The following PIGL variants were observed in gnomAD, a reference collection of about 807,000 sequenced individuals.
PIGL encodes N-acetylglucosaminyl-phosphatidylinositol de-N-acetylase.
Under a neutral mutation model 31.1 loss-of-function variants are expected in PIGL, and 22 were observed. The observed-to-expected ratio is 0.71, with a 90% CI of 0.51 to 1.01. The LOEUF (loss-of-function observed/expected upper bound fraction) is 1.01. PIGL is among the 50% of genes least tolerant of loss of function. The pLI, the probability that PIGL is intolerant of heterozygous loss-of-function variation, is 0.00. For missense variants in PIGL, 302 were observed against 315.9 expected, an observed-to-expected ratio of 0.96 and a Z score of 0.33; for synonymous variants, 131 against 117.4, an observed-to-expected ratio of 1.12 and a Z score of -0.75.
intron 2 of PIGL, among the ~76,000 whole-genome samples, chr17:16,290,192 C>T (rs972578957): frequency 3.3e-5 from 5 of 151,750 alleles, no homozygotes; most frequent in African/African-American, 1.2e-4. Flanking sequence ...AAGGGATTCT[C>T]CTGCCTCAGC....
At chr17:16,259,568 C>T (rs1000525139) in intron 2 of PIGL, among the ~76,000 whole-genome samples, 1 of 152,044 alleles carries the variant, frequency 6.6e-6, no homozygotes, top group Non-Finnish European at 1.5e-5. Flanking sequence ...CCTCACACCA[C>T]ACACAAAAAT....
At chr17:16,309,401 G>A (rs560499243) in intron 3 of PIGL, among the ~76,000 whole-genome samples, 1 of 152,346 alleles carries the variant, frequency 6.6e-6, no homozygotes, top group African/African-American at 2.4e-5. Flanking sequence ...GAAAAGCATC[G>A]TTTTTGAATT....
intron 2 of PIGL, among the ~76,000 whole-genome samples, chr17:16,274,720 T>C (rs1474376362): frequency 7.2e-6 from 1 of 139,782 alleles, no homozygotes; most frequent in Non-Finnish European, 1.5e-5. Flanking sequence ...CAAGACTACG[T>C]CTCAAAAAAA....
intron 3 of PIGL, among the ~76,000 whole-genome samples, chr17:16,305,785 T>A (rs1244018938): frequency 1.3e-5 from 2 of 152,166 alleles, no homozygotes; most frequent in Non-Finnish European, 2.9e-5. Flanking sequence ...GCTGTACAGT[T>A]TTCTTTTTTG....
chr17:16,253,163 A>G (rs1486239326), intron 2 of PIGL, among the ~76,000 whole-genome samples: 1 of 152,170 alleles, frequency 6.6e-6, no homozygotes, highest in Non-Finnish European at 1.5e-5. Flanking sequence ...CTGAGGCAAG[A>G]GAATAGCTTG....
chr17:16,251,554 T>A (rs1193623271), intron 2 of PIGL, among the ~76,000 whole-genome samples: 2 of 151,376 alleles, frequency 1.3e-5, no homozygotes, highest in Non-Finnish European at 2.9e-5. Context: ...CCCAAGTAAA[T>A]CCCTCAACTA....
intron 2 of PIGL, among the ~76,000 whole-genome samples, chr17:16,241,155 C>T (rs1600763921): frequency 7.3e-6 from 1 of 137,494 alleles, no homozygotes; most frequent in Admixed American, 7.3e-5. Context: ...AGGAATTCAA[C>T]GAACAAAAGA....
chr17:16,246,379 G>T (rs943997967), intron 2 of PIGL, among the ~76,000 whole-genome samples: 6 of 151,330 alleles, frequency 4.0e-5, no homozygotes, highest in African/African-American at 1.5e-4. Flanking sequence ...GGGCATGGTG[G>T]TGCACACCTG....
Position 16,313,530 on chromosome 17 carries a change from C to T in PIGL, c.427-17C>T. ...GGTGGAGAAGGCATTCAGTGAAAAC[C>T]CTGTGTTTCTCTACAGGTGGTGACT... On this transcript the variant is annotated splice_polypyrimidine_tract_variant and intron_variant, in intron 3 of 6. Transcript: ENST00000225609. 6.2e-7 allele frequency: 1 copy of T among 1,604,416 alleles called. No individual in the cohort carries two copies. The highest frequency in any genetic ancestry group is 8.5e-7 in the Non-Finnish European group (1 of 1,171,214).
intron 2 of PIGL, among the ~76,000 whole-genome samples, chr17:16,237,534 C>A (rs547823826): frequency 1.6e-4 from 24 of 151,910 alleles, no homozygotes; most frequent in African/African-American, 5.3e-4. Context: ...GGTGTGGTGG[C>A]TCCTACCTGT....
rs71360162 is a variant in PIGL at position 16,246,524 on chromosome 17, A to G, written c.335+12454A>G. On this transcript the variant is annotated intron_variant, in intron 2 of 6. Transcript: ENST00000225609. ...AGACTCCGTCTCAAAAAAAAAAAGT[A>G]AATACTTAAAGAAGCCAGTTTGAAG... Among the ~76,000 whole-genome samples the G allele has an allele frequency of 8.1e-3, 1,238 of 151,902 alleles. 3 individuals are homozygous for G. The highest frequency in any genetic ancestry group is 0.013 in the Non-Finnish European group (886 of 67,930).
intron 1 of PIGL, among the ~76,000 whole-genome samples, chr17:16,220,098 C>T (rs541146286): frequency 1.1e-3 from 168 of 151,868 alleles, no homozygotes; most frequent in Middle Eastern, 0.01. Context: ...GCCTGTAATC[C>T]GAGCACTTTG....
intron 6 of PIGL, among the ~76,000 whole-genome samples, chr17:16,323,422 C>T (rs574967680): frequency 2.0e-5 from 3 of 151,602 alleles, no homozygotes; most frequent in Non-Finnish European, 4.4e-5. Context: ...TTAGTAGAGA[C>T]GAAGTTTCAC....
chr17:16,224,351 CAG>C (rs1335708690), intron 1 of PIGL, among the ~76,000 whole-genome samples: 1 of 151,932 alleles, frequency 6.6e-6, no homozygotes, highest in Non-Finnish European at 1.5e-5. Flanking sequence ...TGGGGGAAGA[CAG>C]AGCCTCACTG....
At chr17:16,312,928 A>AGGGGGGGGGGGGGGGGGGGGGGGG (rs869065594) in intron 3 of PIGL, 1 of 25,344 alleles carries the variant, frequency 3.9e-5, no homozygotes, top group African/African-American at 1.3e-4. Context: ...GGGAGGGGGA[A>AGGGGGGGGGGGGGGGGGGGGGGGG]GGGGGGGGGA....
At chr17:16,220,525 G>A (rs1159540431) in intron 1 of PIGL, among the ~76,000 whole-genome samples, 2 of 112,372 alleles carry the variant, frequency 1.8e-5, no homozygotes, top group Non-Finnish European at 3.3e-5. Flanking sequence ...GTCTCACCCT[G>A]TCTCTCAGGC....
chr17:16,297,862 GC>G (rs1364832620), intron 2 of PIGL, among the ~76,000 whole-genome samples: 10 of 152,166 alleles, frequency 6.6e-5, no homozygotes, highest in Admixed American at 5.9e-4. Context: ...CCCCCAGGCT[GC>G]AGACCAGTAC....
At chr17:16,257,034 G>A (rs557195887) in intron 2 of PIGL, among the ~76,000 whole-genome samples, 1 of 152,172 alleles carries the variant, frequency 6.6e-6, no homozygotes, top group Non-Finnish European at 1.5e-5. Flanking sequence ...CCAGGAAGTC[G>A]AGGCCGCAAT....
intron 2 of PIGL, among the ~76,000 whole-genome samples, chr17:16,246,181 C>G (rs960950715): frequency 6.6e-6 from 1 of 151,740 alleles, no homozygotes; most frequent in African/African-American, 2.4e-5. Flanking sequence ...CATCACTCCC[C>G]TACTCGTGAA....
Sources: gnomAD v4.1 joint callset for allele counts (sites outside exome capture counted in the v4.1 genomes callset) on GRCh38, gnomAD v4.1.1 for gene constraint, MANE v1.5 for transcripts, NCBI Gene and HGNC (gene_info 2026-07-23, HGNC 2026-07-21) for gene names.